Variants in GLE1 observed in about 807,000 individuals in gnomAD.
The protein encoded by GLE1 is mRNA export factor GLE1.
A neutral mutation model predicts 97.3 loss-of-function variants in GLE1; 78 were observed. That is an observed-to-expected ratio of 0.80 (90% CI 0.67 to 0.97). The LOEUF (loss-of-function observed/expected upper bound fraction) is 0.97, where lower values mean the gene tolerates loss of function less well. Among genes scored for constraint, GLE1 ranks in the 50% least tolerant of loss-of-function variants. GLE1 has a pLI of 0.00. For synonymous variants in GLE1, 302 were observed against 313.4 expected, an observed-to-expected ratio of 0.96 and a Z score of 0.39; for missense variants, 753 against 857.5, an observed-to-expected ratio of 0.88 and a Z score of 1.52.
intron 3 of GLE1, among the ~76,000 whole-genome samples, chr9:128,521,260 C>T (rs1261797662): frequency 6.6e-6 from 1 of 152,074 alleles, no homozygotes; most frequent in East Asian, 1.9e-4. Flanking sequence ...AGACTGGGTA[C>T]AGTTGGCTTA....
chr9:128,532,289 A>G (rs1051572777), intron 9 of GLE1, among the ~76,000 whole-genome samples: 2 of 134,218 alleles, frequency 1.5e-5, no homozygotes, highest in Admixed American at 9.1e-5. Flanking sequence ...CAGTGGCACA[A>G]TCTCGGCTCA....
At chr9:128,522,033 A>G (rs2132452174) in intron 3 of GLE1, among the ~76,000 whole-genome samples, 1 of 152,190 alleles carries the variant, frequency 6.6e-6, no homozygotes, top group East Asian at 1.9e-4. Context: ...TAGCTTGTTT[A>G]TGGAATTAGA....
intron 14 of GLE1, 97 bp downstream of exon 14, chr9:128,539,795 T>C: frequency 6.2e-7 from 1 of 1,600,730 alleles, no homozygotes; most frequent in Non-Finnish European, 8.5e-7. Context: ...TTGATTCAAG[T>C]TAAAAACACC....
intron 7 of GLE1, among the ~76,000 whole-genome samples, chr9:128,526,362 T>C (rs527707276): frequency 1.7e-4 from 26 of 151,764 alleles, no homozygotes; most frequent in South Asian, 1.5e-3. Flanking sequence ...TGTTTTTGTT[T>C]TTGTTTTTTT....
intron 9 of GLE1, among the ~76,000 whole-genome samples, 188 bp downstream of exon 9, chr9:128,527,713 C>T (rs986652559): frequency 6.6e-6 from 1 of 152,092 alleles, no homozygotes; most frequent in Non-Finnish European, 1.5e-5. Context: ...CGCCTGTAAT[C>T]CCAGGACTTT....
At chr9:128,535,985 A>G (rs969144995) in intron 11 of GLE1, among the ~76,000 whole-genome samples, 6 of 151,854 alleles carry the variant, frequency 4.0e-5, no homozygotes, top group African/African-American at 1.5e-4. Context: ...AAAAAAAGCA[A>G]TTTATCTCTA....
chr9:128,508,462 C>A (rs577945155), intron 1 of GLE1, among the ~76,000 whole-genome samples: 1 of 152,242 alleles, frequency 6.6e-6, no homozygotes, highest in East Asian at 1.9e-4. Context: ...TGTAAGGATG[C>A]TTTACGATAC....
Position 128,542,022 on chromosome 9 carries a change from A to C in GLE1, c.*852A>C, listed in dbSNP as rs1170172943. On this transcript the variant is annotated 3_prime_UTR_variant, in exon 16 of 16. Transcript: ENST00000309971. ...TGTTGGGCAGGAACTGAACACTGCT[A>C]ATATGATGATAAATATGCCTGACTA... is the stretch of plus-strand genomic sequence containing the variant. 6.6e-6 allele frequency: 1 copy of C among 152,236 alleles called. No individual in the cohort carries two copies. The highest frequency in any genetic ancestry group is 1.5e-5 in the Non-Finnish European group (1 of 68,050). 9.4% of individuals were successfully genotyped at this position (152,236 alleles called of 1,614,324 possible). A position where few individuals can be genotyped will look rare whatever the true frequency, so the allele number is the denominator to read the frequency against.
In GLE1 at chr9:128,504,915, G is replaced by A; in HGVS notation, c.99+11G>A. On this transcript the variant is annotated intron_variant, in intron 1 of 15. Coordinates refer to ENST00000309971, the MANE Select transcript of GLE1 (RefSeq NM_001003722.2). ...CTGCTGCGGCGCGAGGTGAGCGGTG[G>A]CCCCGGAGGACGTAGGCCTTTCCGG... is the stretch of plus-strand genomic sequence containing the variant. 4 of 1,581,700 alleles carry A rather than the reference G, an allele frequency of 2.5e-6. No homozygotes were observed. Among genetic ancestry groups the A allele is most frequent in the Non-Finnish European group, 3.5e-6 (4 of 1,150,772 alleles).
intron 11 of GLE1, among the ~76,000 whole-genome samples, chr9:128,535,951 G>A (rs766475671): frequency 1.4e-4 from 7 of 50,072 alleles, no homozygotes; most frequent in Admixed American, 2.6e-4. Flanking sequence ...ACTCCAGCCT[G>A]GGTGACAGAG....
chr9:128,527,510 A>ATC lies in GLE1; in HGVS notation c.1301_1302dup (p.Thr435LeufsTer8). 1 of 1,609,808 alleles carries ATC rather than the reference A, an allele frequency of 6.2e-7. No homozygotes were observed. Among genetic ancestry groups the ATC allele is most frequent in the Non-Finnish European group, 8.5e-7 (1 of 1,176,088 alleles). On this transcript the variant is annotated frameshift_variant, in exon 9 of 16. Coordinates refer to ENST00000309971, the MANE Select transcript of GLE1 (RefSeq NM_001003722.2). LOFTEE classifies it high-confidence loss of function. ...GGCTGCTACCATCCCAGTGAGCCAA[A>ATC]TCTCTACCATTGCAGGTTGGTCAGA...
chr9:128,522,685 G>A lies in GLE1; in HGVS notation c.450G>A (p.Trp150Ter). 1 of 1,612,564 alleles carries A rather than the reference G, an allele frequency of 6.2e-7. No individual in the cohort carries two copies. Among genetic ancestry groups the A allele is most frequent in the Non-Finnish European group, 8.5e-7 (1 of 1,179,522 alleles). The change falls in exon 4 of 16, where the codon TGG becomes TGA. Residue 150 changes from tryptophan to a stop codon, truncating the protein, a stop_gained. Coordinates refer to ENST00000309971, the MANE Select transcript of GLE1 (RefSeq NM_001003722.2). LOFTEE classifies it high-confidence loss of function. ...RMKGTEGLRL[W>*]QEEQERKVQA... ...CTTTTCAGGAGGGCCTGAGGCTATGGCAGGAGGAGCAGGAGAGGAAGGTGC... is the reference window on the plus strand; with the variant it reads ...CTTTTCAGGAGGGCCTGAGGCTATGACAGGAGGAGCAGGAGAGGAAGGTGC...
chr9:128,523,144 G>T, intron 4 of GLE1, 136 bp from the exon 5 acceptor site: 1 of 773,520 alleles, frequency 1.3e-6, no homozygotes, highest in East Asian at 2.5e-5. Context: ...TGCAGCCTGG[G>T]CAACATAACG....
intron 11 of GLE1, among the ~76,000 whole-genome samples, 167 bp from the exon 12 acceptor site, chr9:128,536,188 C>T: frequency 6.6e-6 from 1 of 152,106 alleles, no homozygotes; most frequent in East Asian, 1.9e-4. Flanking sequence ...CATGCACCAC[C>T]ATACCCAGTT....
intron 1 of GLE1, among the ~76,000 whole-genome samples, chr9:128,507,566 A>T (rs1179512920): frequency 6.6e-6 from 1 of 150,390 alleles, no homozygotes; most frequent in East Asian, 2.0e-4. Context: ...CCTGGGGAAC[A>T]GAATGAGAGC....
intron 2 of GLE1, among the ~76,000 whole-genome samples, chr9:128,512,088 G>A (rs554547307): frequency 6.6e-6 from 1 of 152,244 alleles, no homozygotes; most frequent in African/African-American, 2.4e-5. Flanking sequence ...GGGATTACAG[G>A]CGTGAGCCAC....
At position 128,533,783 on chromosome 9, in the gene GLE1, C is replaced by G. The variant is rs1291300860; in HGVS notation, c.1478C>G (p.Ala493Gly). 2 of 1,614,082 alleles carry G rather than the reference C, an allele frequency of 1.2e-6. No individual in the cohort carries two copies. The highest frequency in any genetic ancestry group is 2.2e-5 in the South Asian group (2 of 91,082). ...KFVKQGEEEV[A>G]SHHEAAFPIA... is the part of the protein sequence containing the mutation. ...CAGAAACAAGGCGAGGAGGAAGTGG[C>G]CTCTCACCATGAAGCAGCATTCCCC... is the stretch of plus-strand genomic sequence containing the variant. Residue 493 changes from alanine to glycine, a missense_variant, in exon 11 of 16, where the codon GCC becomes GGC. Ala to Gly is a moderately conservative substitution (Grantham distance 60). Transcript: ENST00000309971.
At chr9:128,515,325 A>G (rs2132429300) in intron 2 of GLE1, among the ~76,000 whole-genome samples, 2 of 152,312 alleles carry the variant, frequency 1.3e-5, no homozygotes, top group Non-Finnish European at 2.9e-5. Context: ...AGTAACAAAC[A>G]TCAATTTATT....
chr9:128,533,075 CCCTT>C (rs1847570151), intron 9 of GLE1, among the ~76,000 whole-genome samples: 3 of 152,066 alleles, frequency 2.0e-5, no homozygotes, highest in Admixed American at 1.3e-4. Context: ...TACTGTTTAT[CCCTT>C]CATTTCTGTA....
Sources: gnomAD v4.1 joint callset for allele counts (sites outside exome capture counted in the v4.1 genomes callset) on GRCh38, gnomAD v4.1.1 for gene constraint, MANE v1.5 for transcripts, NCBI Gene and HGNC (gene_info 2026-07-23, HGNC 2026-07-21) for gene names.